The following ITGBL1 variants were observed in gnomAD, a reference collection of about 807,000 sequenced individuals.
ITGBL1 encodes the protein integrin beta-like protein 1.
A neutral mutation model predicts 68.5 loss-of-function variants in ITGBL1; 51 were observed. That is an observed-to-expected ratio of 0.74 (90% CI 0.59 to 0.94). ITGBL1 has a LOEUF of 0.94. Among genes scored for constraint, ITGBL1 ranks in the 40% least tolerant of loss-of-function variants. The pLI is 0.00. For missense variants in ITGBL1, 649 were observed against 647.4 expected, an observed-to-expected ratio of 1.00 and a Z score of -0.03; for synonymous variants, 209 against 227.3, an observed-to-expected ratio of 0.92 and a Z score of 0.72.
At chr13:101,634,714 T>C (rs973689472) in intron 7 of ITGBL1, among the ~76,000 whole-genome samples, 1 of 152,114 alleles carries the variant, frequency 6.6e-6, no homozygotes, top group African/African-American at 2.4e-5. Context: ...CTCACAGATG[T>C]CTTACATTTC....
chr13:101,678,060 C>T (rs1158965569), intron 7 of ITGBL1, among the ~76,000 whole-genome samples: 3 of 152,066 alleles, frequency 2.0e-5, no homozygotes, highest in Non-Finnish European at 4.4e-5. Context: ...AAATTATAAA[C>T]TATTTTTATT....
intron 7 of ITGBL1, among the ~76,000 whole-genome samples, chr13:101,679,381 T>A (rs2033586556): frequency 6.6e-6 from 1 of 152,218 alleles, no homozygotes; most frequent in South Asian, 2.1e-4. Context: ...ATCATTAAAG[T>A]CAATGTCAAA....
At chr13:101,588,588 A>G (rs960629376) in intron 6 of ITGBL1, among the ~76,000 whole-genome samples, 2 of 152,150 alleles carry the variant, frequency 1.3e-5, no homozygotes, top group African/African-American at 4.8e-5. Flanking sequence ...GTCATTTGAA[A>G]GATAAAGCAA....
At chr13:101,583,459 G>C in intron 6 of ITGBL1, 103 bp downstream of exon 6, 1 of 916,372 alleles carries the variant, frequency 1.1e-6, no homozygotes, top group South Asian at 2.2e-5. Flanking sequence ...AAGACATACT[G>C]TTGGATAGCA....
At chr13:101,607,216 A>T (rs1450520405) in intron 7 of ITGBL1, among the ~76,000 whole-genome samples, 3 of 152,066 alleles carry the variant, frequency 2.0e-5, no homozygotes, top group Non-Finnish European at 2.9e-5. Flanking sequence ...AAGACGTATA[A>T]TTATTATTCT....
chr13:101,706,667 C>G, intron 8 of ITGBL1, 89 bp from the exon 9 acceptor site: 5 of 1,311,802 alleles, frequency 3.8e-6, no homozygotes, highest in Non-Finnish European at 5.2e-6. Context: ...AAATGAGATC[C>G]TATGGTTTAC....
chr13:101,571,083 ATC>A (rs2139260368), intron 3 of ITGBL1, among the ~76,000 whole-genome samples: 1 of 152,274 alleles, frequency 6.6e-6, no homozygotes, highest in South Asian at 2.1e-4. Context: ...ACACCAGTGC[ATC>A]TAATTCCAGT....
At chr13:101,616,059 A>G (rs1363362358) in intron 7 of ITGBL1, among the ~76,000 whole-genome samples, 1 of 152,202 alleles carries the variant, frequency 6.6e-6, no homozygotes, top group Non-Finnish European at 1.5e-5. Flanking sequence ...TCAAAGTTCA[A>G]TTAGATACAG....
chr13:101,676,519 A>G (rs113328330), intron 7 of ITGBL1, among the ~76,000 whole-genome samples: 3,978 of 152,162 alleles, frequency 0.026, 151 homozygotes, highest in African/African-American at 0.091. Context: ...CATATTTTAG[A>G]TATTGTTTTC....
At chr13:101,545,600 AC>A (rs2049806480) in intron 2 of ITGBL1, among the ~76,000 whole-genome samples, 1 of 152,218 alleles carries the variant, frequency 6.6e-6, no homozygotes, top group African/African-American at 2.4e-5. Flanking sequence ...TTTTAAAAAA[AC>A]GACATATAAT....
At chr13:101,530,508 C>T (rs574122856) in intron 2 of ITGBL1, among the ~76,000 whole-genome samples, 1 of 152,294 alleles carries the variant, frequency 6.6e-6, no homozygotes, top group African/African-American at 2.4e-5. Context: ...CCACTGTCTT[C>T]TAGTTTCCCA....
chr13:101,687,712 TTAA>T (rs2033787095), intron 7 of ITGBL1, among the ~76,000 whole-genome samples: 1 of 152,158 alleles, frequency 6.6e-6, no homozygotes, highest in Non-Finnish European at 1.5e-5. Flanking sequence ...TTATTAAAAC[TTAA>T]TAAGAGTAGG....
intron 7 of ITGBL1, among the ~76,000 whole-genome samples, chr13:101,639,725 C>G (rs2032300080): frequency 6.6e-6 from 1 of 152,142 alleles, no homozygotes; most frequent in Non-Finnish European, 1.5e-5. Flanking sequence ...ATTGGGTTCT[C>G]TCAGCATTTT....
chr13:101,652,539 T>C (rs922003591), intron 7 of ITGBL1, among the ~76,000 whole-genome samples: 2 of 152,202 alleles, frequency 1.3e-5, no homozygotes, highest in South Asian at 4.1e-4. Flanking sequence ...ATTTCTTGCA[T>C]ACCTGTGATT....
chr13:101,462,654 C>T (rs1212789802), intron 2 of ITGBL1, among the ~76,000 whole-genome samples: 1 of 152,140 alleles, frequency 6.6e-6, no homozygotes, highest in Non-Finnish European at 1.5e-5. Flanking sequence ...GCAATCTCAG[C>T]TCGCTGCAAC....
chr13:101,706,988 C>A, intron 9 of ITGBL1, 86 bp downstream of exon 9: 1 of 1,416,800 alleles, frequency 7.1e-7, no homozygotes, highest in Non-Finnish European at 9.7e-7. Flanking sequence ...CTTTCCCAGA[C>A]TGAACTTTGC....
intron 7 of ITGBL1, among the ~76,000 whole-genome samples, chr13:101,621,616 C>G (rs1361016458): frequency 1.3e-5 from 2 of 152,082 alleles, no homozygotes; most frequent in African/African-American, 4.8e-5. Flanking sequence ...TTTTATTCCA[C>G]CTTTTAAAAT....
intron 7 of ITGBL1, among the ~76,000 whole-genome samples, chr13:101,642,206 A>G (rs2032404737): frequency 6.6e-6 from 1 of 152,090 alleles, no homozygotes; most frequent in South Asian, 2.1e-4. Context: ...CTATTTCTCC[A>G]CATCCTCTCC....
At chr13:101,487,438 G>T (rs1282906134) in intron 2 of ITGBL1, among the ~76,000 whole-genome samples, 1 of 152,112 alleles carries the variant, frequency 6.6e-6, no homozygotes, top group Non-Finnish European at 1.5e-5. Flanking sequence ...TCAAAAATAT[G>T]ATTGTAATTT....
Sources: gnomAD v4.1 joint callset for allele counts (sites outside exome capture counted in the v4.1 genomes callset) on GRCh38, gnomAD v4.1.1 for gene constraint, MANE v1.5 for transcripts, NCBI Gene and HGNC (gene_info 2026-07-23, HGNC 2026-07-21) for gene names.